Variants in MAP7D2 observed in about 807,000 individuals in gnomAD.
MAP7D2 encodes MAP7 domain containing 2, also known as MAP7 domain-containing protein 2.
In MAP7D2, 33 loss-of-function variants were observed where a neutral mutation model predicts 63.5. The observed-to-expected ratio is 0.52, with a 90% CI of 0.39 to 0.70. The LOEUF (loss-of-function observed/expected upper bound fraction) is 0.70, where lower values mean the gene tolerates loss of function less well. Ranked by LOEUF, MAP7D2 falls within the 30% of genes least tolerant of loss-of-function variation. The pLI, the probability that MAP7D2 is intolerant of heterozygous loss-of-function variation, is 0.00. For missense variants in MAP7D2, 626 were observed against 604.0 expected (o/e 1.04, Z -0.38); for synonymous variants, 224 against 223.7 (o/e 1.00, Z -0.01).
At chrX:20,111,408 G>A (rs1008561567) in intron 1 of MAP7D2, among the ~76,000 whole-genome samples, 1 of 112,121 alleles carries the variant, frequency 8.9e-6, no homozygotes, top group African/African-American at 3.2e-5. Flanking sequence ...AAAAGGCAAG[G>A]CTTCAGGGTA....
chrX:20,047,648 C>CAAA (rs113884587), intron 6 of MAP7D2, among the ~76,000 whole-genome samples: 1 of 59,521 alleles, frequency 1.7e-5, no homozygotes, highest in Admixed American at 2.2e-4. Flanking sequence ...CCTATCTCTA[C>CAAA]AAAAAAAAAA....
At chrX:20,032,785 A>G (rs544438248) in intron 8 of MAP7D2, among the ~76,000 whole-genome samples, 74 of 111,793 alleles carry the variant, frequency 6.6e-4, no homozygotes, top group African/African-American at 2.2e-3. Flanking sequence ...GGTTGGCCCG[A>G]CTGCTTTGAC....
chrX:20,089,265 A>G (rs1203699661), intron 1 of MAP7D2, among the ~76,000 whole-genome samples: 1 of 112,146 alleles, frequency 8.9e-6, no homozygotes, highest in African/African-American at 3.2e-5. Context: ...ACCTTTGTCA[A>G]ATATTCAATT....
intron 1 of MAP7D2, among the ~76,000 whole-genome samples, chrX:20,093,582 G>A (rs1481754232): frequency 1.8e-5 from 2 of 111,028 alleles, no homozygotes; most frequent in Admixed American, 9.6e-5. Context: ...GCTTGAACCC[G>A]GGAGGCAGAG....
intron 8 of MAP7D2, among the ~76,000 whole-genome samples, chrX:20,027,570 G>A (rs937825389): frequency 6.3e-5 from 7 of 110,472 alleles, no homozygotes; most frequent in South Asian, 3.9e-4. Context: ...GCAGCAGTCC[G>A]CTCCCCACGC....
chrX:20,027,259 C>T (rs1463853400), intron 8 of MAP7D2, among the ~76,000 whole-genome samples: 1 of 112,541 alleles, frequency 8.9e-6, no homozygotes, highest in Admixed American at 9.4e-5. Context: ...CCCCTCTGGC[C>T]TTGGGCTCAG....
chrX:20,076,043 T>C (rs772151833), intron 1 of MAP7D2, among the ~76,000 whole-genome samples: 5 of 111,138 alleles, frequency 4.5e-5, no homozygotes, highest in African/African-American at 1.3e-4. Context: ...AGAGGGCTTA[T>C]TAAAAACTGA....
chrX:20,047,938 A>G (rs2064844434), intron 6 of MAP7D2, among the ~76,000 whole-genome samples: 1 of 111,779 alleles, frequency 8.9e-6, no homozygotes. Flanking sequence ...CAGAACCCCT[A>G]AAGGACATAA....
chrX:20,044,337 T>C (rs1264467457), intron 7 of MAP7D2, 27 bp downstream of exon 7: 1 of 1,196,550 alleles, frequency 8.4e-7, no homozygotes, highest in South Asian at 1.8e-5. Context: ...TCTAGAGGAG[T>C]GAGTGGGTGG....
At chrX:20,023,839 AAAAC>A (rs898638325) in intron 10 of MAP7D2, among the ~76,000 whole-genome samples, 17 of 111,465 alleles carry the variant, frequency 1.5e-4, no homozygotes, top group Middle Eastern at 4.6e-3. Flanking sequence ...GCCACTCGAC[AAAAC>A]AAACAAACAA....
chrX:20,086,149 G>C (rs1414690985), intron 1 of MAP7D2, among the ~76,000 whole-genome samples: 1 of 112,448 alleles, frequency 8.9e-6, no homozygotes, highest in African/African-American at 3.2e-5. Context: ...AATACAGGCA[G>C]GCCCTAAGGT....
intron 3 of MAP7D2, among the ~76,000 whole-genome samples, chrX:20,060,012 T>C (rs781558986): frequency 2.6e-4 from 29 of 110,111 alleles, no homozygotes; most frequent in Admixed American, 2.4e-3. Context: ...TCAACTGCCA[T>C]TATATGTGTT....
chrX:20,044,540 A>G lies in MAP7D2; in HGVS notation c.719-16T>C, dbSNP rs752731426. ...ACATGGAATACTAGAAAGTTACAGT[A>G]TAACAGCCAGAAGGACAGAGAGTAC... On this transcript the variant is annotated splice_polypyrimidine_tract_variant and intron_variant, in intron 6 of 16. Transcript: ENST00000379643. 2 of 1,199,107 alleles carry G rather than the reference A, an allele frequency of 1.7e-6. No individual in the cohort carries two copies. Among genetic ancestry groups the G allele is most frequent in the South Asian group, 1.8e-5 (1 of 56,447 alleles).
intron 6 of MAP7D2, among the ~76,000 whole-genome samples, chrX:20,048,677 G>A (rs1157875408): frequency 1.8e-5 from 2 of 110,578 alleles, no homozygotes; most frequent in African/African-American, 6.6e-5. Context: ...TGTAATCCTA[G>A]AACTTTGGGA....
intron 15 of MAP7D2, among the ~76,000 whole-genome samples, chrX:20,011,499 G>A (rs772957273): frequency 2.3e-4 from 26 of 112,677 alleles, no homozygotes; most frequent in African/African-American, 8.4e-4. Context: ...CACCTTGGGC[G>A]AATTGCTTTT....
intron 1 of MAP7D2, among the ~76,000 whole-genome samples, chrX:20,084,963 A>C (rs1416943634): frequency 9.0e-6 from 1 of 111,664 alleles, no homozygotes; most frequent in East Asian, 2.8e-4. Flanking sequence ...CCCAGATGGC[A>C]GTACAGTGAA....
At chrX:20,008,685 C>T (rs2073081394) in intron 16 of MAP7D2, among the ~76,000 whole-genome samples, 1 of 112,017 alleles carries the variant, frequency 8.9e-6, no homozygotes, top group Admixed American at 9.6e-5. Flanking sequence ...ATGCCCCCAG[C>T]CACTCTGGCA....
chrX:20,116,519 G>A, intron 1 of MAP7D2: 1 of 890,408 alleles, frequency 1.1e-6, no homozygotes, highest in Non-Finnish European at 1.4e-6. Flanking sequence ...CCCCCCATGT[G>A]TACCCACTCA....
chrX:20,018,176 G>A (rs937683645), intron 10 of MAP7D2, among the ~76,000 whole-genome samples: 6 of 109,988 alleles, frequency 5.5e-5, no homozygotes, highest in Non-Finnish European at 1.1e-4. Context: ...ATGTTGGTCA[G>A]GCTGGTCTCA....
Sources: allele counts gnomAD v4.1 joint callset (sites outside exome capture counted in the v4.1 genomes callset), GRCh38; gene constraint gnomAD v4.1.1; transcripts MANE v1.5; gene names NCBI Gene and HGNC (gene_info 2026-07-23, HGNC 2026-07-21).